SRGAP3: variants seen among roughly 807,000 people sequenced by gnomAD.
SRGAP3 encodes the protein SLIT-ROBO Rho GTPase-activating protein 3.
In SRGAP3, 39 loss-of-function variants were observed where a neutral mutation model predicts 121.1. The observed-to-expected ratio is 0.32, with a 90% CI of 0.25 to 0.42. SRGAP3 has a LOEUF of 0.42. Among genes scored for constraint, SRGAP3 ranks in the 10% least tolerant of loss-of-function variants. The probability of loss-of-function intolerance (pLI) is 1.00; values close to 1 mark genes in which losing one functional copy is unlikely to be tolerated. For missense variants in SRGAP3, 1,213 were observed against 1,470.6 expected, an observed-to-expected ratio of 0.82 and a Z score of 2.86; for synonymous variants, 601 against 570.0, an observed-to-expected ratio of 1.05 and a Z score of -0.77.
At chr3:9,247,736 T>C (rs1336902675) in intron 1 of SRGAP3, among the ~76,000 whole-genome samples, 5 of 152,280 alleles carry the variant, frequency 3.3e-5, no homozygotes, top group African/African-American at 1.2e-4. Context: ...TGAAGATGCA[T>C]TTTGTCTTTA....
chr3:9,303,565 A>T (rs1166077357), intron 3 of SRGAP3, among the ~76,000 whole-genome samples: 3 of 152,132 alleles, frequency 2.0e-5, no homozygotes, highest in Non-Finnish European at 4.4e-5. Context: ...CTGAAATTTT[A>T]TCCTTGTTGA....
At chr3:9,027,438 C>T (rs992598868) in intron 12 of SRGAP3, among the ~76,000 whole-genome samples, 2 of 152,138 alleles carry the variant, frequency 1.3e-5, no homozygotes, top group African/African-American at 2.4e-5. Context: ...GAATTAAGGG[C>T]ACACCAGGGG....
chr3:9,117,169 T>TTCTCCA (rs1471177871), intron 2 of SRGAP3, among the ~76,000 whole-genome samples: 1 of 152,252 alleles, frequency 6.6e-6, no homozygotes, highest in Non-Finnish European at 1.5e-5. Context: ...CTGGAGGGCT[T>TTCTCCA]TCTCCATCTC....
At chr3:8,989,755 C>T (rs976955402) in intron 21 of SRGAP3, among the ~76,000 whole-genome samples, 23 of 152,166 alleles carry the variant, frequency 1.5e-4, no homozygotes, top group Admixed American at 8.5e-4. Context: ...ATGTAAAAAT[C>T]ATATAGATTT....
intron 21 of SRGAP3, among the ~76,000 whole-genome samples, chr3:8,987,485 G>A (rs1035353866): frequency 2.6e-5 from 4 of 152,210 alleles, no homozygotes; most frequent in African/African-American, 9.7e-5. Flanking sequence ...TGGAGATGCT[G>A]GGGCCGGCCC....
intron 3 of SRGAP3, among the ~76,000 whole-genome samples, chr3:9,314,905 G>C (rs929580489): frequency 1.3e-5 from 2 of 152,212 alleles, no homozygotes; most frequent in African/African-American, 4.8e-5. Context: ...TCAGTGCCTG[G>C]AGCCTCATCT....
At chr3:9,064,962 C>T (rs896269812) in intron 4 of SRGAP3, among the ~76,000 whole-genome samples, 7 of 152,150 alleles carry the variant, frequency 4.6e-5, no homozygotes, top group African/African-American at 1.7e-4. Flanking sequence ...GCAAGCCTGG[C>T]CCTTGCTCAG....
At chr3:8,991,725 A>G (rs1469165565) in intron 20 of SRGAP3, among the ~76,000 whole-genome samples, 3 of 152,172 alleles carry the variant, frequency 2.0e-5, no homozygotes, top group Admixed American at 2.0e-4. Context: ...CTGAAGGGCT[A>G]GAAGTGGTGA....
intron 1 of SRGAP3, among the ~76,000 whole-genome samples, chr3:9,173,247 C>T (rs1439725678): frequency 6.6e-6 from 1 of 152,208 alleles, no homozygotes; most frequent in African/African-American, 2.4e-5. Flanking sequence ...GTGCTTTGTG[C>T]ACCACCCACA....
chr3:9,273,105 T>C (rs1350070995), intron 3 of SRGAP3, among the ~76,000 whole-genome samples: 4 of 152,266 alleles, frequency 2.6e-5, no homozygotes, highest in Non-Finnish European at 4.4e-5. Flanking sequence ...CCACCTCAGA[T>C]CATCAGGTAT....
intron 10 of SRGAP3, among the ~76,000 whole-genome samples, chr3:9,045,190 T>TAA (rs143656763): frequency 0.071 from 10,300 of 144,654 alleles, 492 homozygotes; most frequent in East Asian, 0.16. Context: ...AAAGTTTACT[T>TAA]TAAAAAAAAA....
At chr3:9,207,601 A>C (rs1293575810) in intron 1 of SRGAP3, among the ~76,000 whole-genome samples, 1 of 152,140 alleles carries the variant, frequency 6.6e-6, no homozygotes, top group Non-Finnish European at 1.5e-5. Flanking sequence ...AGAAGGATTG[A>C]GCTGAGCAAG....
intron 3 of SRGAP3, among the ~76,000 whole-genome samples, chr3:9,298,605 A>T (rs1380895715): frequency 6.6e-6 from 1 of 152,196 alleles, no homozygotes; most frequent in Non-Finnish European, 1.5e-5. Flanking sequence ...GACCAGTACA[A>T]TGCAGAGGAA....
At chr3:9,226,813 C>T (rs1461151569) in intron 1 of SRGAP3, among the ~76,000 whole-genome samples, 1 of 152,196 alleles carries the variant, frequency 6.6e-6, no homozygotes, top group Non-Finnish European at 1.5e-5. Context: ...GACCATGACC[C>T]CATCTCTGCC....
intron 3 of SRGAP3, among the ~76,000 whole-genome samples, chr3:9,080,660 G>A (rs1050639345): frequency 2.0e-5 from 3 of 152,210 alleles, no homozygotes; most frequent in African/African-American, 7.2e-5. Flanking sequence ...AGCAGGAGGT[G>A]AGCGGTGGGT....
chr3:9,052,539 TC>T (rs1945628495), intron 9 of SRGAP3, among the ~76,000 whole-genome samples: 1 of 152,132 alleles, frequency 6.6e-6, no homozygotes. Context: ...CCGTCTCCTT[TC>T]TCCTCCCAGT....
intron 1 of SRGAP3, among the ~76,000 whole-genome samples, chr3:9,228,099 A>C (rs1239426616): frequency 6.6e-6 from 1 of 152,132 alleles, no homozygotes; most frequent in African/African-American, 2.4e-5. Context: ...AAAGGTGGCA[A>C]ACTCAAACAC....
At chr3:8,987,800 G>T (rs977308867) in intron 21 of SRGAP3, among the ~76,000 whole-genome samples, 1 of 152,108 alleles carries the variant, frequency 6.6e-6, no homozygotes, top group Non-Finnish European at 1.5e-5. Flanking sequence ...CTGCAGGAAG[G>T]GAGGGAAGGC....
Position 9,248,926 on chromosome 3 carries a change from T to C in SRGAP3, c.26A>G (p.Lys9Arg), listed in dbSNP as rs1340897046. The part of the protein sequence containing the change: MSSQTKFK[K>R]DKEIIAEYEA... ...ATATTCAGCAATGATCTCTTTGTCT[T>C]TCTTGAACTTAGTTTGAGATGACAT... is the stretch of plus-strand genomic sequence containing the variant. The change falls in exon 1 of 22, where the codon AAA (lysine) becomes AGA (arginine). Residue 9 changes from lysine (K) to arginine (R), a missense_variant. By Grantham distance (26) the Lys-to-Arg change is conservative (BLOSUM62 2). Coordinates refer to ENST00000383836, the MANE Select transcript of SRGAP3 (RefSeq NM_014850.4). 2.5e-6 allele frequency: 4 copies of C among 1,614,090 alleles called. No homozygotes were observed. The highest frequency in any genetic ancestry group is 3.4e-6 in the Non-Finnish European group (4 of 1,180,048).
Sources: gnomAD v4.1 joint callset for allele counts (sites outside exome capture counted in the v4.1 genomes callset) on GRCh38, gnomAD v4.1.1 for gene constraint, MANE v1.5 for transcripts, NCBI Gene and HGNC (gene_info 2026-07-23, HGNC 2026-07-21) for gene names.